SIN3B: variants seen among roughly 807,000 people sequenced by gnomAD.
The protein encoded by SIN3B is paired amphipathic helix protein Sin3b.
Under a neutral mutation model 120.2 loss-of-function variants are expected in SIN3B, and 19 were observed. The ratio of observed to expected loss-of-function variants is 0.16; its 90% CI spans 0.11 to 0.23. SIN3B has a LOEUF of 0.23. Among genes scored for constraint, SIN3B ranks in the 10% least tolerant of loss-of-function variants. The pLI is 1.00. For missense variants in SIN3B, 1,073 were observed against 1,573.0 expected (o/e 0.68, Z 5.38); for synonymous variants, 654 against 653.2 (o/e 1.00, Z -0.02).
At chr19:16,858,872 C>A (rs760194993) in intron 8 of SIN3B, among the ~76,000 whole-genome samples, 1 of 152,136 alleles carries the variant, frequency 6.6e-6, no homozygotes, top group African/African-American at 2.4e-5. Flanking sequence ...ATTGATTGAA[C>A]CCAGGAAGCA....
At chr19:16,875,995 G>T in intron 14 of SIN3B, 60 bp from the exon 15 acceptor site, 1 of 1,500,642 alleles carries the variant, frequency 6.7e-7, no homozygotes, top group Non-Finnish European at 8.9e-7. Flanking sequence ...TCCTCTGTGG[G>T]TGAGGTGGGG....
intron 8 of SIN3B, among the ~76,000 whole-genome samples, chr19:16,857,553 G>GTATA (rs1555742155): frequency 4.3e-5 from 6 of 139,446 alleles, no homozygotes; most frequent in East Asian, 2.1e-4. Context: ...GTGTGTGTGT[G>GTATA]TATATATACA....
At chr19:16,858,983 C>A (rs1450062425) in intron 8 of SIN3B, among the ~76,000 whole-genome samples, 3 of 151,946 alleles carry the variant, frequency 2.0e-5, no homozygotes, top group Non-Finnish European at 4.4e-5. Flanking sequence ...CCAGCCTGGG[C>A]AACATAGTGA....
rs1568417195 is a variant in SIN3B at position 16,851,400 on chromosome 19, A to G, written c.727-12A>G. ...GTCTCCGGTGCTGACCACCTCCCACATGTGTCCTTAGTTCACAGGAAACGG... is the reference window on the plus strand; with the variant it reads ...GTCTCCGGTGCTGACCACCTCCCACGTGTGTCCTTAGTTCACAGGAAACGG... On this transcript the variant is annotated splice_polypyrimidine_tract_variant and intron_variant, in intron 5 of 18. Coordinates refer to ENST00000248054, the MANE Select transcript of SIN3B (RefSeq NM_001297595.2). The G allele has an allele frequency of 4.4e-6, 7 of 1,586,674 alleles. No homozygotes were observed. The highest frequency in any genetic ancestry group is 6.0e-6 in the Non-Finnish European group (7 of 1,165,848).
chr19:16,877,452 A>G (rs1234674477), intron 16 of SIN3B, 93 bp from the exon 17 acceptor site: 1 of 901,844 alleles, frequency 1.1e-6, no homozygotes, highest in Non-Finnish European at 1.8e-6. Flanking sequence ...GGGGCACAGA[A>G]CCCCTGTGAG....
At chr19:16,829,688 G>A in intron 1 of SIN3B, 103 bp from the exon 2 acceptor site, 2 of 1,040,966 alleles carry the variant, frequency 1.9e-6, no homozygotes, top group Non-Finnish European at 1.3e-6. Context: ...CTCTCACCTC[G>A]GCCCTCCGAA....
At position 16,876,161 on chromosome 19, in the gene SIN3B, G is replaced by A. The variant is rs550056938; in HGVS notation, c.2699G>A (p.Arg900His). 20 of 1,613,092 alleles carry A rather than the reference G, an allele frequency of 1.2e-5. No individual in the cohort carries two copies. The highest frequency in any genetic ancestry group is 8.8e-5 in the South Asian group (8 of 90,972). Reference protein sequence around the residue: ...AGGNLSSRCVRAARETSYQWK... With the variant: ...AGGNLSSRCVHAARETSYQWK... The stretch of plus-strand genomic sequence containing the variant: ...GGGAACCTGTCCTCCCGCTGCGTCC[G>A]CGCTGCTAGGGAGACCAGCTACCAG... Residue 900 changes from arginine (R) to histidine (H), a missense_variant, in exon 15 of 19, where the codon CGC becomes CAC. By Grantham distance (29) the Arg-to-His change is conservative. Coordinates refer to ENST00000248054, the MANE Select transcript of SIN3B (RefSeq NM_001297595.2). This position sits in a 1 kb window ranked among gnomAD's most constrained non-coding sequence, Gnocchi z 7.1.
In SIN3B at chr19:16,876,231, G is replaced by A. The variant is rs2051604874; in HGVS notation, c.2766+3G>A. ...TGGCCGACGAGAACTGCTTCAAGGT[G>A]AGAGGAGGCCTGGGGCTGGGAACAC... On this transcript the variant is annotated splice_donor_region_variant and intron_variant, in intron 15 of 18. Coordinates refer to ENST00000248054, the MANE Select transcript of SIN3B (RefSeq NM_001297595.2). This position sits in a 1 kb window ranked among gnomAD's most constrained non-coding sequence, Gnocchi z 7.1. 1 of 1,607,240 alleles carries A rather than the reference G, an allele frequency of 6.2e-7. No individual in the cohort carries two copies.
chr19:16,867,048 C>T (rs546677284), intron 12 of SIN3B, among the ~76,000 whole-genome samples: 1 of 152,308 alleles, frequency 6.6e-6, no homozygotes, highest in South Asian at 2.1e-4. Context: ...AGCCACCGCT[C>T]CTGGCCGACT....
Position 16,878,239 on chromosome 19 carries a change from G to C in SIN3B, c.3011G>C (p.Gly1004Ala). The C allele has an allele frequency of 1.9e-6, 3 of 1,599,310 alleles. No homozygotes were observed. Among genetic ancestry groups the C allele is most frequent in the South Asian group, 1.1e-5 (1 of 88,778 alleles). The change falls in exon 18 of 19, where the codon GGT (glycine) becomes GCT (alanine). Residue 1004 changes from glycine to alanine, a missense_variant. Around this residue, in one of 7 missense-constraint regions of SIN3B, gnomAD observed 311 missense variants for 400.3 expected, o/e 0.78. Transcript: ENST00000248054. ...AGCGAGCAGGCGCGGGCCCTGCGCG[G>C]TGAGGCCAGGAGCTCCTGGAAGCGG... ...WQSEQARALR[G>A]EARSSWKRLV...
intron 4 of SIN3B, 58 bp downstream of exon 4, chr19:16,842,026 TGCA>T: frequency 1.5e-5 from 19 of 1,290,388 alleles, no homozygotes; most frequent in Non-Finnish European, 1.9e-5. Flanking sequence ...TTTGGGGCCC[TGCA>T]GATATTCAGA....
At chr19:16,872,747 A>G (rs1041239185) in intron 14 of SIN3B, 1 of 152,170 alleles carries the variant, frequency 6.6e-6, no homozygotes, top group Non-Finnish European at 1.5e-5. Context: ...CCGGCATCAC[A>G]ACCCTGATTT....
Position 16,851,471 on chromosome 19 carries a change from C to A in SIN3B, c.786C>A (p.Thr262=). The A allele has an allele frequency of 2.5e-6, 4 of 1,610,206 alleles. No homozygotes were observed. The highest frequency in any genetic ancestry group is 3.4e-6 in the Non-Finnish European group (4 of 1,178,464). Reference sequence around the variant, plus strand: ...TGCAGAAGAACGAGCACGACAAGACCCCGGAGCACAGCAGGAAGCGCTCCC... The same window carrying A: ...TGCAGAAGAACGAGCACGACAAGACACCGGAGCACAGCAGGAAGCGCTCCC... ...HSVQKNEHDK[T]PEHSRKRSRP... is the part of the protein sequence containing the mutation. Residue 262 remains threonine, a synonymous_variant, in exon 6 of 19, where the codon ACC becomes ACA. Coordinates refer to ENST00000248054, the MANE Select transcript of SIN3B (RefSeq NM_001297595.2).
At chr19:16,850,323 C>T (rs1193662476) in intron 5 of SIN3B, among the ~76,000 whole-genome samples, 1 of 152,152 alleles carries the variant, frequency 6.6e-6, no homozygotes, top group Non-Finnish European at 1.5e-5. Context: ...CAGAGGTTAG[C>T]ACTTCTAAGT....
intron 9 of SIN3B, 35 bp from the exon 10 acceptor site, chr19:16,863,645 T>C (rs758683680): frequency 7.3e-7 from 1 of 1,377,984 alleles, no homozygotes; most frequent in Admixed American, 1.7e-5. Flanking sequence ...TCCTGGGGCA[T>C]GCAGCGTCAT....
intron 14 of SIN3B, among the ~76,000 whole-genome samples, chr19:16,873,649 C>G (rs1364453827): frequency 6.6e-6 from 1 of 152,116 alleles, no homozygotes; most frequent in Non-Finnish European, 1.5e-5. Flanking sequence ...AAAAAAATCC[C>G]CCCCTTCCAT....
chr19:16,863,224 A>G (rs1447685470), intron 9 of SIN3B: 1 of 524,698 alleles, frequency 1.9e-6, no homozygotes, highest in Non-Finnish European at 3.4e-6. Context: ...CAAGTTCCTC[A>G]TCTGTGGTTT....
At chr19:16,851,262 C>CA in intron 5 of SIN3B, 150 bp from the exon 6 acceptor site, 2 of 767,468 alleles carry the variant, frequency 2.6e-6, no homozygotes, top group Non-Finnish European at 3.9e-6. Flanking sequence ...TTGCTGGAGT[C>CA]ACCTCACGCA....
intron 3 of SIN3B, among the ~76,000 whole-genome samples, chr19:16,832,612 C>T (rs893434635): frequency 2.6e-5 from 4 of 151,348 alleles, no homozygotes; most frequent in African/African-American, 9.7e-5. Context: ...GTGATCCTCC[C>T]GTCTCAGCCT....
Sources: gnomAD v4.1 joint callset for allele counts (sites outside exome capture counted in the v4.1 genomes callset) on GRCh38, gnomAD v4.1.1 for gene constraint, gnomAD v4.1.1 regional missense constraint, Gnocchi (gnomAD v3.1) non-coding constraint, MANE v1.5 for transcripts, NCBI Gene and HGNC (gene_info 2026-07-23, HGNC 2026-07-21) for gene names.